Variants in MEGF11 observed in about 807,000 individuals in gnomAD.
The protein encoded by MEGF11 is multiple epidermal growth factor-like domains protein 11.
A neutral mutation model predicts 146.6 loss-of-function variants in MEGF11; 126 were observed. The ratio of observed to expected loss-of-function variants is 0.86; its 90% confidence interval spans 0.74 to 1.00. The LOEUF (loss-of-function observed/expected upper bound fraction) is 1.00. Ranked by LOEUF, MEGF11 falls within the 50% of genes least tolerant of loss-of-function variation. The pLI is 0.00. For synonymous variants in MEGF11, 532 were observed against 583.4 expected (o/e 0.91, Z 1.27); for missense variants, 1,509 against 1,521.2 (o/e 0.99, Z 0.13).
At chr15:65,972,137 G>A (rs2081317112) in intron 7 of MEGF11, among the ~76,000 whole-genome samples, 1 of 151,900 alleles carries the variant, frequency 6.6e-6, no homozygotes, top group Non-Finnish European at 1.5e-5. Flanking sequence ...AGAGAGATGA[G>A]ATTAAAAATA....
At chr15:66,089,091 A>C (rs1394913640) in intron 5 of MEGF11, among the ~76,000 whole-genome samples, 1 of 152,210 alleles carries the variant, frequency 6.6e-6, no homozygotes, top group Non-Finnish European at 1.5e-5. Context: ...CTAGTTTAGG[A>C]GCATAGGCAT....
chr15:66,216,011 C>T (rs544850749), intron 1 of MEGF11, among the ~76,000 whole-genome samples: 2 of 152,294 alleles, frequency 1.3e-5, no homozygotes, highest in African/African-American at 2.4e-5. Flanking sequence ...CAAGGGGACA[C>T]CCACTCTCCT....
intron 1 of MEGF11, among the ~76,000 whole-genome samples, chr15:66,152,010 T>C (rs1325767769): frequency 6.6e-6 from 1 of 152,194 alleles, no homozygotes; most frequent in African/African-American, 2.4e-5. Context: ...CCTTCACCCC[T>C]CCCACCTGCC....
At chr15:66,067,391 C>G (rs1161703029) in intron 5 of MEGF11, among the ~76,000 whole-genome samples, 1 of 152,200 alleles carries the variant, frequency 6.6e-6, no homozygotes, top group African/African-American at 2.4e-5. Flanking sequence ...TCAGGACAGC[C>G]CTGAAAAATC....
At chr15:66,200,745 A>G (rs2091136527) in intron 1 of MEGF11, among the ~76,000 whole-genome samples, 1 of 152,168 alleles carries the variant, frequency 6.6e-6, no homozygotes. Context: ...TTAAACCACA[A>G]ACTGAGGTGA....
chr15:65,976,650 C>T (rs1234504756), intron 7 of MEGF11, among the ~76,000 whole-genome samples: 1 of 152,238 alleles, frequency 6.6e-6, no homozygotes, highest in Admixed American at 6.5e-5. Flanking sequence ...GTTCAAGCCG[C>T]CTAGTCTGTG....
chr15:66,227,296 G>A (rs2091874325), intron 1 of MEGF11, among the ~76,000 whole-genome samples: 2 of 152,096 alleles, frequency 1.3e-5, no homozygotes, highest in African/African-American at 2.4e-5. Flanking sequence ...GGATTAAACA[G>A]GATAACGCGT....
intron 10 of MEGF11, among the ~76,000 whole-genome samples, chr15:65,935,362 A>C (rs1041343507): frequency 5.4e-5 from 7 of 130,308 alleles, no homozygotes; most frequent in African/African-American, 8.5e-5. Flanking sequence ...AAAAAAAAAA[A>C]GGCAAAACAG....
chr15:66,005,887 A>G (rs2082506233), intron 5 of MEGF11, among the ~76,000 whole-genome samples: 1 of 152,220 alleles, frequency 6.6e-6, no homozygotes, highest in Non-Finnish European at 1.5e-5. Flanking sequence ...AGTGCAACTT[A>G]CCCACTGACT....
chr15:66,042,779 A>G (rs549407768), intron 5 of MEGF11, among the ~76,000 whole-genome samples: 4 of 152,038 alleles, frequency 2.6e-5, no homozygotes, highest in Non-Finnish European at 5.9e-5. Flanking sequence ...ACCTCATGGG[A>G]TCCCCCATTT....
At chr15:65,933,683 T>C (rs1359708355) in intron 10 of MEGF11, among the ~76,000 whole-genome samples, 2 of 152,184 alleles carry the variant, frequency 1.3e-5, no homozygotes, top group African/African-American at 4.8e-5. Context: ...CCTGGTGTGT[T>C]AGTGCCAAGG....
Position 65,957,724 on chromosome 15 carries a change from G to T in MEGF11, c.1113-3C>A, listed in dbSNP as rs1457839434. 2 of 1,613,504 alleles carry T rather than the reference G, an allele frequency of 1.2e-6. No individual in the cohort carries two copies. The highest frequency in any genetic ancestry group is 1.7e-5 in the Admixed American group (1 of 60,004). ...AAGCTCCAGTTACTGGGTGGCAGCT[G>T]CACAGATGAGAGAAGGGTGAGAAGA... On this transcript the variant is annotated splice_region_variant and splice_polypyrimidine_tract_variant and intron_variant, in intron 9 of 25. Coordinates refer to ENST00000395614, the MANE Select transcript of MEGF11 (RefSeq NM_001385028.1).
At position 65,966,156 on chromosome 15, in the gene MEGF11, C is replaced by T. The variant is rs2081089148; in HGVS notation, c.900-1036G>A. On this transcript the variant is annotated intron_variant, in intron 8 of 25. Transcript: ENST00000395614. ...GACTACAGGGGTGCACTGCCACGCC[C>T]AACTAATTTTTGTATTTTTACTAGA... is the stretch of plus-strand genomic sequence containing the variant. Among the ~76,000 whole-genome samples the T allele has an allele frequency of 3.9e-5, 6 of 152,226 alleles. No homozygotes were observed. In the South Asian group the frequency reaches 1.2e-3, roughly 32 times the overall value.
At chr15:66,044,293 G>A (rs1373649778) in intron 5 of MEGF11, among the ~76,000 whole-genome samples, 1 of 152,152 alleles carries the variant, frequency 6.6e-6, no homozygotes, top group Admixed American at 6.5e-5. Flanking sequence ...TAGGAGAGAA[G>A]GGGCAATGGA....
At chr15:66,141,568 T>C (rs1180203455) in intron 1 of MEGF11, among the ~76,000 whole-genome samples, 2 of 151,976 alleles carry the variant, frequency 1.3e-5, no homozygotes, top group Non-Finnish European at 2.9e-5. Context: ...AGAGGATTAA[T>C]GGACAATTTT....
intron 5 of MEGF11, among the ~76,000 whole-genome samples, chr15:66,077,133 C>T (rs930866437): frequency 2.6e-5 from 4 of 152,192 alleles, no homozygotes; most frequent in Non-Finnish European, 5.9e-5. Context: ...GAACACCATG[C>T]CACCTGCCCT....
At chr15:66,161,833 C>T (rs567844606) in intron 1 of MEGF11, among the ~76,000 whole-genome samples, 5 of 152,276 alleles carry the variant, frequency 3.3e-5, no homozygotes, top group South Asian at 2.1e-4. Flanking sequence ...AGTGCCCTCA[C>T]GGAGCAGCAA....
At chr15:66,036,759 A>G (rs1201402921) in intron 5 of MEGF11, among the ~76,000 whole-genome samples, 1 of 152,202 alleles carries the variant, frequency 6.6e-6, no homozygotes, top group Non-Finnish European at 1.5e-5. Context: ...CATAAGCTGA[A>G]TTCAGATTGG....
chr15:65,914,086 C>T (rs1056861972), intron 19 of MEGF11, 113 bp from the exon 20 acceptor site: 1 of 806,244 alleles, frequency 1.2e-6, no homozygotes, highest in Non-Finnish European at 2.0e-6. Flanking sequence ...CTGGTTCTGG[C>T]TTTGGCCCGA....
Sources: gnomAD v4.1 joint callset for allele counts (sites outside exome capture counted in the v4.1 genomes callset) on GRCh38, gnomAD v4.1.1 for gene constraint, MANE v1.5 for transcripts, NCBI Gene and HGNC (gene_info 2026-07-23, HGNC 2026-07-21) for gene names.